CDKN2A: variants seen among roughly 807,000 people sequenced by gnomAD.
CDKN2A encodes cyclin-dependent kinase inhibitor 2A.
Under a neutral mutation model 11.1 loss-of-function variants are expected in CDKN2A, and 3 were observed. The observed-to-expected ratio is 0.27, with a 90% CI of 0.12 to 0.70. The LOEUF (loss-of-function observed/expected upper bound fraction) is 0.70, where lower values mean the gene tolerates loss of function less well. CDKN2A is among the 30% of genes least tolerant of loss of function. CDKN2A has a pLI of 0.77. For synonymous variants in CDKN2A, 122 were observed against 108.1 expected, an observed-to-expected ratio of 1.13 and a Z score of -0.80; for missense variants, 265 against 233.6, an observed-to-expected ratio of 1.13 and a Z score of -0.88.
At chr9:21,981,456 A>G (rs913095568) in intron 2 of CDKN2A, among the ~76,000 whole-genome samples, 1 of 151,984 alleles carries the variant, frequency 6.6e-6, no homozygotes, top group East Asian at 1.9e-4. Flanking sequence ...AGCTGTGTTA[A>G]GCCTTCATAG....
chr9:21,970,800 A>G lies in CDKN2A; in HGVS notation c.457+102T>C, dbSNP rs1587330047. ...CGATTGGCGCGTGAGCTGAGGCAAGACCGGAGACTGGTCTCCCGGGCTGAA... is the reference window on the plus strand; with the variant it reads ...CGATTGGCGCGTGAGCTGAGGCAAGGCCGGAGACTGGTCTCCCGGGCTGAA... On this transcript the variant is annotated intron_variant, in intron 2 of 2. Transcript: ENST00000304494. 6.4e-6 allele frequency: 9 copies of G among 1,414,616 alleles called. 1 individual carries two copies. In the East Asian group the frequency reaches 2.1e-4, roughly 34 times the overall value. 87.6% of individuals were successfully genotyped at this position (1,414,616 alleles called of 1,614,324 possible).
chr9:21,978,533 A>G (rs1392629062), upstream of CDKN2A, among the ~76,000 whole-genome samples: 1 of 152,186 alleles, frequency 6.6e-6, no homozygotes, highest in African/African-American at 2.4e-5. Flanking sequence ...CTTTTAATGT[A>G]AAAATTTACT....
chr9:21,968,681 G>A lies in CDKN2A; in HGVS notation c.458-439C>T, dbSNP rs2131081524. The A allele has an allele frequency of 6.5e-7, 1 of 1,536,012 alleles. No individual in the cohort carries two copies. The highest frequency in any genetic ancestry group is 1.2e-5 in the South Asian group (1 of 84,052). ...CCAGCCAGCTTGCGATAACCAAAGG[G>A]CGCCTCAGGCTCTGGCGCTCCTCGG... On this transcript the variant is annotated intron_variant, in intron 2 of 2. Transcript: ENST00000304494. The surrounding 1 kb of genome is among the most constrained non-coding windows in gnomAD (Gnocchi z 4.7).
chr9:21,970,666 G>A, intron 2 of CDKN2A: 1 of 623,168 alleles, frequency 1.6e-6, no homozygotes, highest in Non-Finnish European at 2.9e-6. Context: ...TATGCTTTGG[G>A]AAGTATAATG....
At chr9:21,989,088 C>G (rs1364452873) in intron 2 of CDKN2A, among the ~76,000 whole-genome samples, 2 of 151,644 alleles carry the variant, frequency 1.3e-5, no homozygotes, top group East Asian at 3.8e-4. Flanking sequence ...TCACATTCAA[C>G]AAATAGAAAA....
At chr9:21,981,057 T>C (rs546601726) in intron 2 of CDKN2A, among the ~76,000 whole-genome samples, 1 of 75,064 alleles carries the variant, frequency 1.3e-5, no homozygotes, top group Admixed American at 1.4e-4. Flanking sequence ...TATATATACG[T>C]GTATATATAT....
intron 2 of CDKN2A, among the ~76,000 whole-genome samples, chr9:21,987,806 A>G (rs886700964): frequency 6.6e-5 from 10 of 152,218 alleles, no homozygotes; most frequent in Non-Finnish European, 1.3e-4. Flanking sequence ...AAGATAAAGA[A>G]GCAGAAATAA....
In CDKN2A at chr9:21,994,114, C is replaced by T. The variant is rs376551007; in HGVS notation, c.-175-61G>A. Reference sequence around the variant, plus strand: ...AACAAAACAAGTGCCGAATGCGCCCCGGACTTTTCGAGGGCCTTTCCTACC... The same window carrying T: ...AACAAAACAAGTGCCGAATGCGCCCTGGACTTTTCGAGGGCCTTTCCTACC... On this transcript the variant is annotated intron_variant, in intron 1 of 3. Transcript: ENST00000494262. 1.9e-6 allele frequency: 3 copies of T among 1,597,390 alleles called. No individual in the cohort carries two copies. In the African/African-American group the frequency reaches 4.0e-5, roughly 21 times the overall value.
chr9:21,975,107 G>C (rs1040317849), upstream of CDKN2A: 3 of 1,260,430 alleles, frequency 2.4e-6, no homozygotes, highest in African/African-American at 4.7e-5. Flanking sequence ...GGTCTCCCCC[G>C]GGGGCACCAG....
chr9:21,991,913 G>GA lies in CDKN2A; in HGVS notation c.-4+1968dup, dbSNP rs1820439237. ...CTTGAGAGGACTCTGTGCTATTAAAGAAAAAAATAACCTGAGCCTTCTGAA... is the reference window on the plus strand; with the variant it reads ...CTTGAGAGGACTCTGTGCTATTAAAGAAAAAAAATAACCTGAGCCTTCTGAA... On this transcript the variant is annotated intron_variant, in intron 2 of 3. Transcript: ENST00000494262. This position sits in a 1 kb window ranked among gnomAD's most constrained non-coding sequence, Gnocchi z 5.2. The GA allele has an allele frequency of 4.1e-6, 4 of 984,898 alleles. No individual in the cohort carries two copies. Among genetic ancestry groups the GA allele is most frequent in the Non-Finnish European group, 4.8e-6 (4 of 829,548 alleles). 61.0% of individuals were successfully genotyped at this position (984,898 alleles called of 1,614,324 possible).
intron 2 of CDKN2A, among the ~76,000 whole-genome samples, chr9:21,986,744 G>A (rs1041054159): frequency 6.6e-6 from 1 of 152,064 alleles, no homozygotes; most frequent in Non-Finnish European, 1.5e-5. Context: ...GATTTAGGAA[G>A]AAAGTTTCAA....
chr9:21,973,137 T>C (rs938718326), intron 1 of CDKN2A, among the ~76,000 whole-genome samples: 6 of 152,176 alleles, frequency 3.9e-5, no homozygotes, highest in African/African-American at 1.4e-4. Flanking sequence ...GTCATAAAAC[T>C]AGCCTTAAAG....
At chr9:21,978,247 C>G (rs1456538186), upstream of CDKN2A, among the ~76,000 whole-genome samples, 1 of 151,768 alleles carries the variant, frequency 6.6e-6, no homozygotes, top group African/African-American at 2.4e-5. Flanking sequence ...TGCACATGTA[C>G]TCTAAAACTT....
At chr9:21,990,143 G>A (rs1820393280) in intron 2 of CDKN2A, among the ~76,000 whole-genome samples, 1 of 152,066 alleles carries the variant, frequency 6.6e-6, no homozygotes, top group Non-Finnish European at 1.5e-5. Context: ...GGGGACTAGA[G>A]TGTGCTTGTG....
chr9:21,994,469 C>G (rs1164416901), intron 1 of CDKN2A: 1 of 1,520,952 alleles, frequency 6.6e-7, no homozygotes, highest in Non-Finnish European at 8.8e-7. Context: ...GCCCCGCAGG[C>G]GCGCACCCGC....
intron 2 of CDKN2A, chr9:21,970,546 A>G: frequency 1.9e-6 from 1 of 530,854 alleles, no homozygotes; most frequent in South Asian, 2.3e-5. Context: ...AGTGGATGCA[A>G]CTGGCCCTAG....
rs1391696399 is a variant in CDKN2A at position 21,994,161 on chromosome 9, C to T, written c.-175-108G>A. On this transcript the variant is annotated intron_variant, in intron 1 of 3. Coordinates refer to the CDKN2A transcript ENST00000494262. ...TACCTGGTCTTCTAGGAAGCGGCTG[C>T]TGCCCTAGACGCTGGCTCCTCAGTA... 2.5e-6 allele frequency: 4 copies of T among 1,602,622 alleles called. No individual in the cohort carries two copies. The East Asian group carries it at 8.9e-5, about 36-fold the overall frequency.
rs1819533699 is a variant in CDKN2A at position 21,968,723 on chromosome 9, C to G, written c.458-481G>C. 1 of 1,536,058 alleles carries G rather than the reference C, an allele frequency of 6.5e-7. No homozygotes were observed. The highest frequency in any genetic ancestry group is 1.2e-5 in the South Asian group (1 of 84,072). On this transcript the variant is annotated intron_variant, in intron 2 of 2. Coordinates refer to ENST00000304494, the MANE Select transcript of CDKN2A (RefSeq NM_000077.5). The surrounding 1 kb of genome is among the most constrained non-coding windows in gnomAD (Gnocchi z 4.7). ...GCTCCTCGGCGGAATCCCGTAGCTT[C>G]CCTACGCATGCCTGCTTCTACAAAC...
chr9:21,973,371 A>C (rs1311027779), intron 1 of CDKN2A, among the ~76,000 whole-genome samples: 4 of 152,378 alleles, frequency 2.6e-5, no homozygotes, highest in African/African-American at 9.6e-5. Flanking sequence ...ACACCAATGT[A>C]GTTAGGATTC....
Sources: gnomAD v4.1 joint callset for allele counts (sites outside exome capture counted in the v4.1 genomes callset) on GRCh38, gnomAD v4.1.1 for gene constraint, Gnocchi (gnomAD v3.1) non-coding constraint, MANE v1.5 for transcripts, NCBI Gene and HGNC (gene_info 2026-07-23, HGNC 2026-07-21) for gene names.